Variants in DLGAP2 observed in about 807,000 individuals in gnomAD.
DLGAP2 encodes DLG associated protein 2, also known as disks large-associated protein 2.
DLGAP2 carries 26 observed loss-of-function variants against 100.3 expected under a neutral mutation model. The observed-to-expected ratio is 0.26, with a 90% CI of 0.19 to 0.36. The LOEUF is 0.36. DLGAP2 is among the 10% of genes least tolerant of loss of function. The pLI, the probability that DLGAP2 is intolerant of heterozygous loss-of-function variation, is 1.00. For missense variants in DLGAP2, 1,858 were observed against 1,453.2 expected (o/e 1.28, Z -4.53); for synonymous variants, 886 against 630.1 (o/e 1.41, Z -6.08).
intron 1 of DLGAP2, among the ~76,000 whole-genome samples, chr8:869,890 C>T (rs1394215208): frequency 6.6e-6 from 1 of 151,580 alleles, no homozygotes; most frequent in Non-Finnish European, 1.5e-5. Flanking sequence ...TTCTGAGCAG[C>T]GGGACTCTGC....
At chr8:1,561,230 C>A (rs1182932057) in intron 5 of DLGAP2, among the ~76,000 whole-genome samples, 7 of 134,964 alleles carry the variant, frequency 5.2e-5, no homozygotes, top group African/African-American at 1.8e-4. Flanking sequence ...GGAACTGAGT[C>A]AGTTAAACCT....
At chr8:829,306 C>T (rs892124241) in intron 1 of DLGAP2, among the ~76,000 whole-genome samples, 6 of 152,210 alleles carry the variant, frequency 3.9e-5, no homozygotes, top group African/African-American at 1.4e-4. Flanking sequence ...AGTCTCTTTT[C>T]TGACCCTGAT....
At chr8:1,240,458 G>C (rs1315839619) in intron 2 of DLGAP2, among the ~76,000 whole-genome samples, 1 of 142,970 alleles carries the variant, frequency 7.0e-6, no homozygotes, top group Admixed American at 7.1e-5. Context: ...GCCATGTCTA[G>C]TTCTCTCACA....
intron 3 of DLGAP2, among the ~76,000 whole-genome samples, chr8:1,320,869 G>A (rs1172857180): frequency 2.6e-5 from 4 of 152,072 alleles, no homozygotes; most frequent in African/African-American, 4.8e-5. Context: ...GTTTGCATTC[G>A]TGTGTGTGTG....
At chr8:1,244,420 G>A (rs1798863061) in intron 2 of DLGAP2, among the ~76,000 whole-genome samples, 1 of 152,214 alleles carries the variant, frequency 6.6e-6, no homozygotes, top group South Asian at 2.1e-4. Context: ...GCAAAATATT[G>A]TGTTATAATG....
At chr8:781,693 AG>A (rs1821691789) in intron 1 of DLGAP2, among the ~76,000 whole-genome samples, 2 of 152,226 alleles carry the variant, frequency 1.3e-5, no homozygotes, top group Non-Finnish European at 2.9e-5. Context: ...GACTTGTTAA[AG>A]AACGAACTTA....
chr8:1,321,073 G>T (rs563888052), intron 3 of DLGAP2, among the ~76,000 whole-genome samples: 5 of 151,450 alleles, frequency 3.3e-5, no homozygotes, highest in African/African-American at 1.2e-4. Flanking sequence ...ACATGCATCT[G>T]TGTGCCTCTG....
intron 5 of DLGAP2, among the ~76,000 whole-genome samples, chr8:1,558,279 G>A (rs954719618): frequency 1.3e-5 from 2 of 152,216 alleles, no homozygotes; most frequent in Non-Finnish European, 2.9e-5. Context: ...AGGCGGCTTA[G>A]ATGGGGGTTT....
At position 1,197,111 on chromosome 8, in the gene DLGAP2, A is replaced by AGTGGATTGGAGG. The variant is rs1797768036; in HGVS notation, c.74-61739_74-61728dup. Among the ~76,000 whole-genome samples the AGTGGATTGGAGG allele has an allele frequency of 3.9e-5, 6 of 152,306 alleles. No homozygotes were observed. In the South Asian group the frequency reaches 1.2e-3, roughly 32 times the overall value. Reference sequence around the variant, plus strand: ...ACCTTTTTGTTCTTCCTGGGCCCTCAGTGGATTGGAGGATGCACACCCGCA... The same window carrying AGTGGATTGGAGG: ...ACCTTTTTGTTCTTCCTGGGCCCTCAGTGGATTGGAGGGTGGATTGGAGGATGCACACCCGCA... On this transcript the variant is annotated intron_variant, in intron 2 of 14. Coordinates refer to ENST00000637795, the MANE Select transcript of DLGAP2 (RefSeq NM_001346810.2).
chr8:1,059,598 G>A (rs1489503108), intron 2 of DLGAP2, among the ~76,000 whole-genome samples: 4 of 152,302 alleles, frequency 2.6e-5, no homozygotes, highest in African/African-American at 9.6e-5. Flanking sequence ...GTGTGTTCAT[G>A]GCTTTTGTTC....
chr8:792,887 G>C (rs1471306069), intron 1 of DLGAP2, among the ~76,000 whole-genome samples: 1 of 151,938 alleles, frequency 6.6e-6, no homozygotes, highest in Non-Finnish European at 1.5e-5. Context: ...TTTGTTTATG[G>C]GGCTGAGTGT....
intron 8 of DLGAP2, among the ~76,000 whole-genome samples, chr8:1,656,350 G>A (rs935508503): frequency 2.0e-5 from 3 of 152,014 alleles, no homozygotes; most frequent in Non-Finnish European, 2.9e-5. Flanking sequence ...GTGGCCAGTA[G>A]CTAAGTTATT....
intron 6 of DLGAP2, among the ~76,000 whole-genome samples, chr8:1,584,787 C>T (rs1796066322): frequency 6.6e-6 from 1 of 152,156 alleles, no homozygotes; most frequent in Admixed American, 6.5e-5. Context: ...TGAAGAAGGG[C>T]ACCAGAACAT....
chr8:1,650,781 G>A (rs1056197582), intron 8 of DLGAP2, among the ~76,000 whole-genome samples: 4 of 147,116 alleles, frequency 2.7e-5, no homozygotes, highest in African/African-American at 1.1e-4. Context: ...GGCAGTTGCT[G>A]GAGCAGAGGT....
chr8:825,086 C>G (rs1585903843), intron 1 of DLGAP2, among the ~76,000 whole-genome samples: 1 of 152,258 alleles, frequency 6.6e-6, no homozygotes, highest in Non-Finnish European at 1.5e-5. Context: ...TTGAGAAATC[C>G]CCCAGAACTC....
Position 1,273,798 on chromosome 8 carries a change from T to C in DLGAP2, c.106+14915T>C, listed in dbSNP as rs1167579116. On this transcript the variant is annotated intron_variant, in intron 3 of 14. Transcript: ENST00000637795. ...GTTGTAGAATTCCCAGGGAGCTAAG[T>C]GGGATTCTGTTCAAAGAGCAAAAGG... 5.9e-5 allele frequency among the ~76,000 whole-genome samples: 9 copies of C among 152,344 alleles called. No homozygotes were observed. In the East Asian group the frequency reaches 9.6e-4, roughly 16 times the overall value.
chr8:1,108,883 G>A (rs1276449255), intron 2 of DLGAP2, among the ~76,000 whole-genome samples: 14 of 127,122 alleles, frequency 1.1e-4, no homozygotes, highest in Non-Finnish European at 1.7e-4. Flanking sequence ...GATGTGCATG[G>A]GTCTGTGAGG....
At chr8:1,473,108 T>C (rs1563169919) in intron 3 of DLGAP2, among the ~76,000 whole-genome samples, 1 of 152,330 alleles carries the variant, frequency 6.6e-6, no homozygotes, top group East Asian at 1.9e-4. Context: ...TTTTGGTATT[T>C]TTAGTAGAGA....
intron 4 of DLGAP2, among the ~76,000 whole-genome samples, chr8:1,539,684 A>G (rs1053528675): frequency 2.7e-4 from 41 of 151,472 alleles, no homozygotes; most frequent in African/African-American, 8.4e-4. Context: ...TCCAGACTCC[A>G]CTTTCCTGTT....
Sources: allele counts gnomAD v4.1 joint callset (sites outside exome capture counted in the v4.1 genomes callset), GRCh38; gene constraint gnomAD v4.1.1; transcripts MANE v1.5; gene names NCBI Gene and HGNC (gene_info 2026-07-23, HGNC 2026-07-21).